The following SNTG1 variants were observed in gnomAD, a reference collection of about 807,000 sequenced individuals.
The protein encoded by SNTG1 is syntrophin gamma 1.
Under a neutral mutation model 74.7 loss-of-function variants are expected in SNTG1, and 39 were observed. The observed-to-expected ratio is 0.52, with a 90% CI of 0.40 to 0.68. The LOEUF is 0.68. SNTG1 is among the 30% of genes least tolerant of loss of function. SNTG1 has a pLI of 0.00. For missense variants in SNTG1, 685 were observed against 609.5 expected, an observed-to-expected ratio of 1.12 and a Z score of -1.30; for synonymous variants, 254 against 217.1, an observed-to-expected ratio of 1.17 and a Z score of -1.49.
chr8:50,025,554 C>T (rs1817194567), intron 1 of SNTG1, among the ~76,000 whole-genome samples: 1 of 152,050 alleles, frequency 6.6e-6, no homozygotes, highest in African/African-American at 2.4e-5. Context: ...TAAATGAGAA[C>T]ATTTGAAGAA....
intron 1 of SNTG1, among the ~76,000 whole-genome samples, chr8:50,115,625 A>G (rs1406617291): frequency 6.8e-6 from 1 of 147,998 alleles, no homozygotes; most frequent in Non-Finnish European, 1.5e-5. Flanking sequence ...AGTTGCTATG[A>G]TACTCTGCAG....
chr8:50,311,855 C>T (rs750838265), intron 2 of SNTG1, among the ~76,000 whole-genome samples: 5 of 152,032 alleles, frequency 3.3e-5, no homozygotes, highest in Non-Finnish European at 7.4e-5. Context: ...AATTAAGTTG[C>T]CAGGGTAACC....
At chr8:50,454,105 C>T (rs1441014893) in intron 8 of SNTG1, among the ~76,000 whole-genome samples, 1 of 152,198 alleles carries the variant, frequency 6.6e-6, no homozygotes, top group African/African-American at 2.4e-5. Flanking sequence ...ATGCTATTCT[C>T]CTTACCACTG....
chr8:50,358,020 C>T (rs372406085), intron 2 of SNTG1, among the ~76,000 whole-genome samples: 4 of 151,794 alleles, frequency 2.6e-5, no homozygotes, highest in East Asian at 3.9e-4. Flanking sequence ...AATCCAAGTC[C>T]CAGCTTATCC....
intron 2 of SNTG1, among the ~76,000 whole-genome samples, chr8:50,187,849 T>C (rs2083438254): frequency 6.6e-6 from 1 of 152,168 alleles, no homozygotes; most frequent in African/African-American, 2.4e-5. Context: ...TGCCCTTCCA[T>C]GATGGAAGTG....
At chr8:50,430,050 T>C (rs1271647740) in intron 4 of SNTG1, among the ~76,000 whole-genome samples, 1 of 152,090 alleles carries the variant, frequency 6.6e-6, no homozygotes. Context: ...GTCTGACAAT[T>C]CCCATTTTCA....
At chr8:50,114,508 T>C (rs1391827808) in intron 1 of SNTG1, among the ~76,000 whole-genome samples, 3 of 152,098 alleles carry the variant, frequency 2.0e-5, no homozygotes, top group Admixed American at 2.0e-4. Flanking sequence ...CAGAAGGTAG[T>C]TGGCCTGAGA....
At chr8:50,413,919 A>G (rs1056507083) in intron 4 of SNTG1, among the ~76,000 whole-genome samples, 1 of 152,058 alleles carries the variant, frequency 6.6e-6, no homozygotes, top group Non-Finnish European at 1.5e-5. Context: ...ATTCTATCCT[A>G]TTTTATATTT....
chr8:50,614,227 T>C (rs2094871232), intron 13 of SNTG1, among the ~76,000 whole-genome samples: 1 of 152,172 alleles, frequency 6.6e-6, no homozygotes, highest in South Asian at 2.1e-4. Context: ...ATATTTTTTG[T>C]GGCATTGTGA....
intron 1 of SNTG1, among the ~76,000 whole-genome samples, chr8:50,115,372 G>T (rs1377377348): frequency 6.6e-6 from 1 of 151,674 alleles, no homozygotes; most frequent in East Asian, 2.0e-4. Context: ...TTCAAGATCA[G>T]CCTGGCTAAC....
intron 8 of SNTG1, among the ~76,000 whole-genome samples, chr8:50,488,126 C>T (rs2392699): frequency 0.86 from 130,639 of 152,152 alleles, 56,209 homozygotes; most frequent in Non-Finnish European, 0.89. Context: ...ACTAGGGCTG[C>T]GAAGTGGTGC....
intron 2 of SNTG1, among the ~76,000 whole-genome samples, chr8:50,273,980 TTAAA>T (rs2087936892): frequency 6.6e-6 from 1 of 152,196 alleles, no homozygotes; most frequent in Non-Finnish European, 1.5e-5. Context: ...ACCTACTTAA[TTAAA>T]TATTTATCTA....
chr8:50,314,725 A>G (rs1394333380), intron 2 of SNTG1, among the ~76,000 whole-genome samples: 2 of 150,052 alleles, frequency 1.3e-5, no homozygotes, highest in Non-Finnish European at 2.9e-5. Context: ...CCTTTACCCC[A>G]TGTCGAAATG....
intron 2 of SNTG1, among the ~76,000 whole-genome samples, chr8:50,366,429 A>G (rs369764267): frequency 6.6e-6 from 1 of 152,096 alleles, no homozygotes; most frequent in South Asian, 2.1e-4. Context: ...AATCATAACC[A>G]TGTCCATGAC....
At chr8:50,498,132 T>C (rs2093920090) in intron 8 of SNTG1, among the ~76,000 whole-genome samples, 2 of 151,942 alleles carry the variant, frequency 1.3e-5, no homozygotes, top group Non-Finnish European at 2.9e-5. Flanking sequence ...TTTCTAAAAA[T>C]TAATTTACTA....
chr8:50,568,908 C>G (rs1333100676), intron 12 of SNTG1: 1 of 152,114 alleles, frequency 6.6e-6, no homozygotes, highest in Non-Finnish European at 1.5e-5. Context: ...TTATGGCCTT[C>G]AAGTCCTGGT....
At chr8:50,233,144 T>C (rs2085715476) in intron 2 of SNTG1, among the ~76,000 whole-genome samples, 1 of 151,534 alleles carries the variant, frequency 6.6e-6, no homozygotes, top group South Asian at 2.1e-4. Context: ...GGATGGATCA[T>C]TATACCTGAT....
At chr8:50,160,415 C>T (rs773175758) in intron 1 of SNTG1, among the ~76,000 whole-genome samples, 4 of 152,080 alleles carry the variant, frequency 2.6e-5, no homozygotes, top group Non-Finnish European at 5.9e-5. Context: ...AAACAGTTAC[C>T]TCTTTCCAAG....
At chr8:50,627,245 T>G (rs1156427669) in intron 13 of SNTG1, among the ~76,000 whole-genome samples, 1 of 152,220 alleles carries the variant, frequency 6.6e-6, no homozygotes, top group Non-Finnish European at 1.5e-5. Flanking sequence ...TTTTGTTTAA[T>G]GACTAAAACT....
Sources: gnomAD v4.1 joint callset for allele counts (sites outside exome capture counted in the v4.1 genomes callset) on GRCh38, gnomAD v4.1.1 for gene constraint, MANE v1.5 for transcripts, NCBI Gene and HGNC (gene_info 2026-07-23, HGNC 2026-07-21) for gene names.